C2orf49: variants seen among roughly 807,000 people sequenced by gnomAD.
C2orf49 encodes the protein tRNA-splicing ligase complex subunit ASW.
C2orf49 carries 11 observed loss-of-function variants against 20.6 expected under a neutral mutation model. The observed-to-expected ratio is 0.53, with a 90% CI of 0.34 to 0.88. The LOEUF (loss-of-function observed/expected upper bound fraction) is 0.88, where lower values mean the gene tolerates loss of function less well. C2orf49 is among the 40% of genes least tolerant of loss of function. The pLI, the probability that C2orf49 is intolerant of heterozygous loss-of-function variation, is 0.02. For synonymous variants in C2orf49, 134 were observed against 108.5 expected, an observed-to-expected ratio of 1.24 and a Z score of -1.46; for missense variants, 289 against 274.2, an observed-to-expected ratio of 1.05 and a Z score of -0.38.
chr2:105,361,228 G>C, the C2orf49 span: 1 of 1,563,762 alleles, frequency 6.4e-7, no homozygotes, highest in Non-Finnish European at 8.7e-7. Context: ...GGGTGAGAAA[G>C]AAAACATAAA....
chr2:105,372,760 T>C, the C2orf49 span, among the ~76,000 whole-genome samples: 243 of 152,114 alleles, frequency 1.6e-3, 1 homozygote, highest in African/African-American at 5.7e-3. Flanking sequence ...CTGAACCACA[T>C]TGGCCAGGCC....
Position 105,342,860 on chromosome 2 carries a change from A to C in C2orf49, c.279A>C (p.Val93=). ...TCTTTGATTTCAGGAGTAGCACTGT[A>C]GATGGGTTAAGGAAAAGACCCCTCA... ...IKNETKRSST[V]DGLRKRPLIV... The change falls in exon 3 of 4, where the codon GTA becomes GTC. Residue 93 remains valine (V), a synonymous_variant. Coordinates refer to ENST00000258457, the MANE Select transcript of C2orf49 (RefSeq NM_024093.3). 6.2e-7 allele frequency: 1 copy of C among 1,613,244 alleles called. No individual in the cohort carries two copies. The highest frequency in any genetic ancestry group is 1.3e-5 in the African/African-American group (1 of 75,004).
chr2:105,350,052 A>G (rs1490689731), downstream of C2orf49, among the ~76,000 whole-genome samples: 2 of 152,202 alleles, frequency 1.3e-5, no homozygotes, highest in African/African-American at 4.8e-5. Flanking sequence ...CTCACCCAAC[A>G]GCCAGCACTA....
At chr2:105,365,479 A>T in the C2orf49 span, among the ~76,000 whole-genome samples, 1 of 152,354 alleles carries the variant, frequency 6.6e-6, no homozygotes, top group East Asian at 1.9e-4. Context: ...GAAAGATGAC[A>T]GAGGAAGAGC....
At chr2:105,372,820 G>A in the C2orf49 span, among the ~76,000 whole-genome samples, 5,214 of 152,198 alleles carry the variant, frequency 0.034, 134 homozygotes, top group East Asian at 0.076. Flanking sequence ...GCCTCCCAAA[G>A]TACTGGAATT....
chr2:105,378,188 TAC>T, the C2orf49 span: 2 of 470,922 alleles, frequency 4.2e-6, no homozygotes, highest in African/African-American at 4.0e-5. Context: ...CCATTTTTCC[TAC>T]AGTTAATATT....
the C2orf49 span, among the ~76,000 whole-genome samples, chr2:105,370,383 A>G: frequency 2.0e-5 from 3 of 152,250 alleles, no homozygotes; most frequent in South Asian, 6.2e-4. Flanking sequence ...TCAAAAAAAA[A>G]AAAAGTCAAA....
At chr2:105,376,380 C>T in the C2orf49 span, 1 of 152,176 alleles carries the variant, frequency 6.6e-6, no homozygotes, top group African/African-American at 2.4e-5. Context: ...CCAGAAACGA[C>T]CAAACTCTGG....
downstream of C2orf49, among the ~76,000 whole-genome samples, chr2:105,350,259 C>T (rs533848913): frequency 1.3e-4 from 20 of 152,220 alleles, no homozygotes; most frequent in African/African-American, 4.6e-4. Context: ...AGGTCCCAGA[C>T]AAGGACAAAA....
downstream of C2orf49, among the ~76,000 whole-genome samples, chr2:105,354,119 T>C (rs1183799853): frequency 6.6e-6 from 1 of 152,248 alleles, no homozygotes; most frequent in African/African-American, 2.4e-5. Flanking sequence ...TTAACACCAC[T>C]GAGTTCTTTT....
chr2:105,363,454 C>G, the C2orf49 span: 1 of 1,609,752 alleles, frequency 6.2e-7, no homozygotes. Context: ...GGTAAGTGAC[C>G]CCTCCCGTGG....
intron 3 of C2orf49, 62 bp downstream of exon 3, chr2:105,343,285 T>C: frequency 6.7e-7 from 1 of 1,493,628 alleles, no homozygotes; most frequent in Non-Finnish European, 8.9e-7. Context: ...GCAGTCTGCC[T>C]CATGACGGGA....
At chr2:105,367,738 A>G in the C2orf49 span, 31 of 1,613,218 alleles carry the variant, frequency 1.9e-5, no homozygotes, top group Non-Finnish European at 2.6e-5. Flanking sequence ...TCTTGCGGGT[A>G]CCTGTCATCA....
the C2orf49 span, among the ~76,000 whole-genome samples, chr2:105,355,245 A>C: frequency 6.6e-6 from 1 of 152,186 alleles, no homozygotes; most frequent in African/African-American, 2.4e-5. Flanking sequence ...AAGGGGACAC[A>C]GTGGGGTGGA....
the C2orf49 span, chr2:105,367,477 G>A: frequency 7.7e-7 from 1 of 1,301,244 alleles, no homozygotes; most frequent in Non-Finnish European, 1.1e-6. Flanking sequence ...AAGTATCACA[G>A]GTATCCTTGG....
the C2orf49 span, among the ~76,000 whole-genome samples, chr2:105,363,863 G>A: frequency 3.3e-5 from 5 of 152,212 alleles, no homozygotes; most frequent in African/African-American, 1.2e-4. Context: ...TACCAGCCCT[G>A]TGGCTGGGAG....
chr2:105,367,069 C>T, the C2orf49 span, among the ~76,000 whole-genome samples: 3 of 152,212 alleles, frequency 2.0e-5, no homozygotes, highest in African/African-American at 7.2e-5. Flanking sequence ...CCTCCATGCC[C>T]GGCCAGAGTA....
downstream of C2orf49, among the ~76,000 whole-genome samples, chr2:105,353,696 C>T (rs1307176141): frequency 6.6e-6 from 1 of 152,154 alleles, no homozygotes; most frequent in Non-Finnish European, 1.5e-5. Flanking sequence ...TAAGACTCTT[C>T]CAGATCTTAC....
the C2orf49 span, among the ~76,000 whole-genome samples, chr2:105,367,986 A>T: frequency 1.3e-5 from 2 of 152,182 alleles, no homozygotes; most frequent in East Asian, 3.9e-4. Context: ...CTTAACATTT[A>T]TTTATTGAAT....
Sources: allele counts gnomAD v4.1 joint callset (sites outside exome capture counted in the v4.1 genomes callset), GRCh38; gene constraint gnomAD v4.1.1; transcripts MANE v1.5; gene names NCBI Gene and HGNC (gene_info 2026-07-23, HGNC 2026-07-21).